Variants in NUP210L observed in about 807,000 individuals in gnomAD.
NUP210L encodes nuclear pore membrane glycoprotein 210-like.
NUP210L carries 74 observed loss-of-function variants against 208.5 expected under a neutral mutation model. The observed-to-expected ratio is 0.35, with a 90% CI of 0.29 to 0.43. The LOEUF is 0.43. NUP210L is among the 20% of genes least tolerant of loss of function. The pLI, the probability that NUP210L is intolerant of heterozygous loss-of-function variation, is 1.00. For missense variants in NUP210L, 1,843 were observed against 2,289.4 expected (o/e 0.81, Z 3.98); for synonymous variants, 780 against 816.9 (o/e 0.95, Z 0.77).
intron 15 of NUP210L, among the ~76,000 whole-genome samples, chr1:154,092,321 C>T (rs182299844): frequency 1.3e-5 from 2 of 150,442 alleles, no homozygotes; most frequent in East Asian, 2.0e-4. Flanking sequence ...CCTGGTGATC[C>T]GCCCGCCTCG....
intron 13 of NUP210L, among the ~76,000 whole-genome samples, chr1:154,103,342 C>T (rs1014106389): frequency 3.4e-5 from 5 of 145,662 alleles, no homozygotes; most frequent in Non-Finnish European, 3.0e-5. Context: ...TGCAGTGAGC[C>T]GAGATCGTGC....
chr1:154,073,229 C>T (rs1654848240), intron 16 of NUP210L, among the ~76,000 whole-genome samples: 1 of 152,128 alleles, frequency 6.6e-6, no homozygotes, highest in Admixed American at 6.6e-5. Flanking sequence ...GTGATATCAC[C>T]TTACTGCTGC....
intron 17 of NUP210L, among the ~76,000 whole-genome samples, chr1:154,067,896 A>AAGG (rs1239556275): frequency 6.6e-6 from 1 of 152,228 alleles, no homozygotes; most frequent in Non-Finnish European, 1.5e-5. Flanking sequence ...AAGGGATGTG[A>AAGG]AGGACCTCTT....
intron 33 of NUP210L, among the ~76,000 whole-genome samples, chr1:154,015,782 A>C (rs1316157308): frequency 6.6e-6 from 1 of 151,078 alleles, no homozygotes. Flanking sequence ...GGTGGTGTGC[A>C]CCTGTGGTCC....
chr1:154,054,517 G>T (rs1047986862), intron 24 of NUP210L, 110 bp from the exon 25 acceptor site: 11 of 1,010,626 alleles, frequency 1.1e-5, no homozygotes, highest in African/African-American at 3.2e-5. Context: ...CCCATTTCTT[G>T]AACAACATAT....
At chr1:154,099,619 G>C (rs985732277) in intron 14 of NUP210L, among the ~76,000 whole-genome samples, 1 of 152,202 alleles carries the variant, frequency 6.6e-6, no homozygotes, top group African/African-American at 2.4e-5. Flanking sequence ...CTTCAAAAGA[G>C]AGTACACTAA....
At chr1:154,004,711 A>G (rs1650409048) in intron 35 of NUP210L, among the ~76,000 whole-genome samples, 1 of 151,862 alleles carries the variant, frequency 6.6e-6, no homozygotes, top group Non-Finnish European at 1.5e-5. Flanking sequence ...CAGTGGTGTG[A>G]TCACGGCTCA....
intron 15 of NUP210L, among the ~76,000 whole-genome samples, chr1:154,093,156 C>A (rs1355730104): frequency 6.6e-6 from 1 of 151,896 alleles, no homozygotes; most frequent in South Asian, 2.1e-4. Context: ...AGGCCGGGTG[C>A]GGTGCCTCAT....
chr1:153,996,604 T>C (rs2147879009), intron 37 of NUP210L, among the ~76,000 whole-genome samples: 1 of 152,152 alleles, frequency 6.6e-6, no homozygotes, highest in East Asian at 1.9e-4. Flanking sequence ...GTATTTTTAG[T>C]AGGGATGAGT....
intron 16 of NUP210L, among the ~76,000 whole-genome samples, chr1:154,075,297 G>A (rs1654974789): frequency 6.6e-6 from 1 of 152,034 alleles, no homozygotes; most frequent in Non-Finnish European, 1.5e-5. Context: ...TCATATATAT[G>A]TGAGACATAC....
At chr1:154,038,203 G>T (rs1474883559) in intron 27 of NUP210L, among the ~76,000 whole-genome samples, 2 of 151,992 alleles carry the variant, frequency 1.3e-5, no homozygotes, top group African/African-American at 2.4e-5. Flanking sequence ...TGCAATCTGG[G>T]CTCACTGTGA....
At chr1:154,101,159 T>G (rs1299474286) in intron 13 of NUP210L, among the ~76,000 whole-genome samples, 11 of 81,452 alleles carry the variant, frequency 1.4e-4, no homozygotes, top group Admixed American at 3.7e-4. Context: ...GCAACAAGAG[T>G]GAAACTCTGT....
chr1:154,132,677 C>G (rs1658318102), intron 7 of NUP210L, among the ~76,000 whole-genome samples: 1 of 152,104 alleles, frequency 6.6e-6, no homozygotes, highest in Admixed American at 6.5e-5. Context: ...CATTTAAGTT[C>G]ACCTGGGGAA....
intron 10 of NUP210L, among the ~76,000 whole-genome samples, chr1:154,123,927 T>C (rs987146060): frequency 6.8e-6 from 1 of 147,782 alleles, no homozygotes; most frequent in Non-Finnish European, 1.5e-5. Context: ...CTCATGCCTG[T>C]AATCCTAGCA....
chr1:154,100,465 C>G (rs1481254428), intron 13 of NUP210L, among the ~76,000 whole-genome samples: 1 of 148,262 alleles, frequency 6.7e-6, no homozygotes, highest in Non-Finnish European at 1.5e-5. Context: ...AAAAAAAACC[C>G]AAAACAAATA....
At chr1:154,020,558 G>T (rs1465640146) in intron 32 of NUP210L, among the ~76,000 whole-genome samples, 1 of 151,776 alleles carries the variant, frequency 6.6e-6, no homozygotes, top group Admixed American at 6.6e-5. Flanking sequence ...ACAGAGTCTC[G>T]CTCCATCACC....
At chr1:154,076,880 T>C (rs1019711744) in intron 16 of NUP210L, among the ~76,000 whole-genome samples, 21 of 151,852 alleles carry the variant, frequency 1.4e-4, no homozygotes, top group African/African-American at 5.1e-4. Context: ...ACAACATCAA[T>C]CCATCAACAT....
At chr1:154,101,857 G>A (rs1656485046) in intron 13 of NUP210L, among the ~76,000 whole-genome samples, 1 of 152,062 alleles carries the variant, frequency 6.6e-6, no homozygotes. Flanking sequence ...AGAATTTAAA[G>A]TAGTTGATTT....
intron 16 of NUP210L, among the ~76,000 whole-genome samples, chr1:154,073,507 C>T (rs1654872568): frequency 6.6e-6 from 1 of 151,826 alleles, no homozygotes; most frequent in South Asian, 2.1e-4. Flanking sequence ...CTAGGTGAGA[C>T]CATCTCAAAT....
Sources: allele counts gnomAD v4.1 joint callset (sites outside exome capture counted in the v4.1 genomes callset), GRCh38; gene constraint gnomAD v4.1.1; transcripts MANE v1.5; gene names NCBI Gene and HGNC (gene_info 2026-07-23, HGNC 2026-07-21).